Variants in CACNA1A observed in about 807,000 individuals in gnomAD.
The protein encoded by CACNA1A is voltage-dependent P/Q-type calcium channel subunit alpha-1A.
Under a neutral mutation model 262.4 loss-of-function variants are expected in CACNA1A, and 57 were observed. The ratio of observed to expected loss-of-function variants is 0.22; its 90% CI spans 0.18 to 0.27. CACNA1A has a LOEUF of 0.27. Ranked by LOEUF, CACNA1A falls within the 10% of genes least tolerant of loss-of-function variation. The probability of loss-of-function intolerance (pLI) is 1.00; values close to 1 mark genes in which losing one functional copy is unlikely to be tolerated. For synonymous variants in CACNA1A, 1,431 were observed against 1,419.3 expected, an observed-to-expected ratio of 1.01 and a Z score of -0.18; for missense variants, 2,526 against 3,562.8, an observed-to-expected ratio of 0.71 and a Z score of 7.41.
chr19:13,376,851 C>G (rs1266227209), intron 3 of CACNA1A, among the ~76,000 whole-genome samples: 1 of 137,722 alleles, frequency 7.3e-6, no homozygotes, highest in Non-Finnish European at 1.6e-5. Flanking sequence ...TGATATATAA[C>G]ACATATGTTA....
At chr19:13,423,407 G>A (rs1340295520) in intron 3 of CACNA1A, among the ~76,000 whole-genome samples, 2 of 152,246 alleles carry the variant, frequency 1.3e-5, no homozygotes, top group African/African-American at 4.8e-5. Flanking sequence ...AGTTGATGAA[G>A]CTTGGGGGAA....
chr19:13,300,804 G>A lies in CACNA1A; in HGVS notation c.2173-148C>T, dbSNP rs1342147115. 4.4e-6 allele frequency: 3 copies of A among 689,246 alleles called. No individual in the cohort carries two copies. The African/African-American group carries it at 5.3e-5, about 12-fold the overall frequency. 42.7% of individuals were successfully genotyped at this position (689,246 alleles called of 1,614,324 possible). On this transcript the variant is annotated intron_variant, in intron 17 of 46. Transcript: ENST00000360228. ...CCAATTGGAATGGGTACCTGCTATT[G>A]GTTAAGTGTATTGCTATCCCCTCTG...
intron 3 of CACNA1A, among the ~76,000 whole-genome samples, chr19:13,386,048 G>C (rs2059606861): frequency 1.3e-5 from 2 of 152,092 alleles, no homozygotes; most frequent in Non-Finnish European, 1.5e-5. Flanking sequence ...CTGCTCGTGA[G>C]GCTAAGGTGG....
chr19:13,298,823 C>T lies in CACNA1A; in HGVS notation c.2810G>A (p.Gly937Glu). ...DPHRRHVHRQ[G>E]GSRESRSGSP... is the part of the protein sequence containing the mutation. ...CCCGCTGCGGCTCTCCCTGCTGCCC[C>T]CCTGCCGGTGCACGTGCCTCCGGTG... The change falls in exon 19 of 47, where the codon GGG becomes GAG. Residue 937 changes from glycine to glutamate, a missense_variant. By Grantham distance (98) the Gly-to-Glu change is moderately conservative. Coordinates refer to ENST00000360228, the MANE Select transcript of CACNA1A (RefSeq NM_001127222.2). 6.4e-7 allele frequency: 1 copy of T among 1,574,434 alleles called. No individual in the cohort carries two copies. Among genetic ancestry groups the T allele is most frequent in the East Asian group, 2.3e-5 (1 of 42,796 alleles).
At chr19:13,363,229 A>G (rs2059141689) in intron 5 of CACNA1A, 1 of 151,852 alleles carries the variant, frequency 6.6e-6, no homozygotes, top group Admixed American at 6.6e-5. Flanking sequence ...ACATAAAATA[A>G]AACTTCACAG....
intron 16 of CACNA1A, 41 bp from the exon 17 acceptor site, chr19:13,303,654 C>A (rs1302030844): frequency 6.3e-7 from 1 of 1,598,392 alleles, no homozygotes; most frequent in Non-Finnish European, 8.6e-7. Flanking sequence ...ACTGGTGGGA[C>A]ACCACTTGGG....
intron 6 of CACNA1A, among the ~76,000 whole-genome samples, chr19:13,344,621 T>C (rs776017315): frequency 3.9e-5 from 6 of 152,234 alleles, no homozygotes; most frequent in Non-Finnish European, 5.9e-5. Flanking sequence ...GTAGAGATTT[T>C]TCCTGTCTAA....
chr19:13,283,228 G>A (rs1415499554), intron 22 of CACNA1A, 39 bp downstream of exon 22: 2 of 1,603,226 alleles, frequency 1.2e-6, no homozygotes, highest in Non-Finnish European at 8.5e-7. Context: ...CTGAGGCAGA[G>A]CAGCCAGGCT....
chr19:13,277,297 CTT>C, intron 22 of CACNA1A, 169 bp from the exon 23 acceptor site: 1 of 555,276 alleles, frequency 1.8e-6, no homozygotes, highest in South Asian at 2.3e-5. Context: ...CCTCCCATCT[CTT>C]TTCATACTGC....
At position 13,214,200 on chromosome 19, in the gene CACNA1A, G is replaced by A. The variant is rs752127837; in HGVS notation, c.5940+33C>T. The stretch of plus-strand genomic sequence containing the variant: ...GGTGACATGCAAGCCACTGTCCCCA[G>A]CCCAGATGTCCCCAGAGCGGCGAAC... On this transcript the variant is annotated intron_variant, in intron 40 of 46. Coordinates refer to ENST00000360228, the MANE Select transcript of CACNA1A (RefSeq NM_001127222.2). This position sits in a 1 kb window ranked among gnomAD's most constrained non-coding sequence, Gnocchi z 4.1. 5.8e-6 allele frequency: 9 copies of A among 1,556,004 alleles called. No homozygotes were observed. The African/African-American group carries it at 8.1e-5, about 14-fold the overall frequency.
rs140178438 is a variant in CACNA1A at position 13,314,359 on chromosome 19, C to G, written c.1556-1578G>C. Among the ~76,000 whole-genome samples the G allele has an allele frequency of 5.9e-5, 9 of 152,276 alleles. No homozygotes were observed. In the South Asian group the frequency reaches 1.9e-3, roughly 32 times the overall value. Reference sequence around the variant, plus strand: ...ATGTTTGTGTCCCCTCCAAAATTCACGTTGAAACTTAATTGCCAATGTAAC... The same window carrying G: ...ATGTTTGTGTCCCCTCCAAAATTCAGGTTGAAACTTAATTGCCAATGTAAC... On this transcript the variant is annotated intron_variant, in intron 11 of 46. Coordinates refer to ENST00000360228, the MANE Select transcript of CACNA1A (RefSeq NM_001127222.2).
chr19:13,471,873 T>C (rs1295184346), intron 1 of CACNA1A, among the ~76,000 whole-genome samples: 1 of 151,968 alleles, frequency 6.6e-6, no homozygotes, highest in Non-Finnish European at 1.5e-5. Context: ...TAGAAAGAGG[T>C]GGAGGTTGTA....
At chr19:13,388,391 G>A (rs1191340464) in intron 3 of CACNA1A, among the ~76,000 whole-genome samples, 1 of 151,492 alleles carries the variant, frequency 6.6e-6, no homozygotes, top group East Asian at 1.9e-4. Context: ...GAGTAGCTGG[G>A]ATTACAGGCA....
intron 38 of CACNA1A, among the ~76,000 whole-genome samples, chr19:13,220,889 G>T (rs1344436565): frequency 2.6e-5 from 4 of 152,064 alleles, no homozygotes; most frequent in Non-Finnish European, 5.9e-5. Flanking sequence ...GCTTCCCAAA[G>T]TGCTGGGATT....
At chr19:13,356,767 G>C (rs2059013504) in intron 6 of CACNA1A, among the ~76,000 whole-genome samples, 1 of 151,938 alleles carries the variant, frequency 6.6e-6, no homozygotes, top group African/African-American at 2.4e-5. Flanking sequence ...TTCATTTCCT[G>C]CTGGAACCTC....
intron 18 of CACNA1A, among the ~76,000 whole-genome samples, chr19:13,300,025 G>A (rs1341850571): frequency 6.6e-6 from 1 of 152,190 alleles, no homozygotes; most frequent in Non-Finnish European, 1.5e-5. Flanking sequence ...GGCAGGTGGA[G>A]CTCAGGCGGT....
At chr19:13,347,081 A>G (rs369510909) in intron 6 of CACNA1A, among the ~76,000 whole-genome samples, 1 of 45,592 alleles carries the variant, frequency 2.2e-5, no homozygotes, top group East Asian at 1.1e-3. Context: ...TTTTTTTTTG[A>G]GACAGTTCTT....
rs778978325 is a variant in CACNA1A, at chr19:13,298,695, G to A, written c.2938C>T (p.Arg980Cys). Residue 980 changes from arginine to cysteine, a missense_variant, in exon 19 of 47, where the codon CGC becomes TGC. Physicochemically the swap from Arg to Cys is radical, Grantham distance 180 (BLOSUM62 -3). Transcript: ENST00000360228. Reference sequence around the variant, plus strand: ...CCCCGGGCCGGCCGGCTGCCCTCGCGGTGCCGCGCCCTCCGCTCCGCCTTG... The same window carrying A: ...CCCCGGGCCGGCCGGCTGCCCTCGCAGTGCCGCGCCCTCCGCTCCGCCTTG... ...EDKAERRARH[R>C]EGSRPARGGE... The A allele has an allele frequency of 2.8e-6, 4 of 1,443,340 alleles. No homozygotes were observed. In the Admixed American group the frequency reaches 9.3e-5, roughly 34 times the overall value. The allele number at this position is 1,443,340 out of a possible 1,614,324, so 89.4% of individuals were successfully genotyped here. A position where few individuals can be genotyped will look rare whatever the true frequency, so the allele number is the denominator to read the frequency against.
Position 13,212,310 on chromosome 19 carries a change from T to A in CACNA1A, c.6189+74A>T, listed in dbSNP as rs16048. 6.4e-6 allele frequency: 10 copies of A among 1,551,472 alleles called. No individual in the cohort carries two copies. Among genetic ancestry groups the A allele is most frequent in the South Asian group, 4.5e-5 (4 of 88,886 alleles). The stretch of plus-strand genomic sequence containing the variant: ...GGAGGGAGCTGCAGGTGTGTGTGTG[T>A]GGGGGGCCCAGATCCCTTCCACCTG... On this transcript the variant is annotated intron_variant, in intron 42 of 46. Transcript: ENST00000360228. This position sits in a 1 kb window ranked among gnomAD's most constrained non-coding sequence, Gnocchi z 5.6.
Sources: allele counts gnomAD v4.1 joint callset (sites outside exome capture counted in the v4.1 genomes callset), GRCh38; gene constraint gnomAD v4.1.1; non-coding constraint Gnocchi (gnomAD v3.1); transcripts MANE v1.5; gene names NCBI Gene and HGNC (gene_info 2026-07-23, HGNC 2026-07-21).